Variants in MZT2B observed in about 807,000 individuals in gnomAD.
MZT2B encodes the protein mitotic-spindle organizing protein 2B.
In MZT2B, 11 loss-of-function variants were observed where a neutral mutation model predicts 12.1. The ratio of observed to expected loss-of-function variants is 0.91; its 90% CI spans 0.57 to 1.50. The LOEUF (loss-of-function observed/expected upper bound fraction) is 1.50. Ranked by LOEUF, MZT2B falls within the 40% of genes most tolerant of loss-of-function variation. MZT2B has a pLI of 0.00. For missense variants in MZT2B, 209 were observed against 227.7 expected (o/e 0.92, Z 0.53); for synonymous variants, 85 against 109.5 (o/e 0.78, Z 1.40).
At chr2:130,196,558 A>G in the MZT2B span, among the ~76,000 whole-genome samples, 1 of 152,218 alleles carries the variant, frequency 6.6e-6, no homozygotes, top group Non-Finnish European at 1.5e-5. Context: ...TGTAAACCAT[A>G]CTAGCTAGTA....
chr2:130,183,662 T>TG (rs1361564122), intron 2 of MZT2B: 4 of 1,499,284 alleles, frequency 2.7e-6, no homozygotes, highest in African/African-American at 1.4e-5. Flanking sequence ...GCTGCCTTCA[T>TG]GGGGGGAGTG....
the MZT2B span, among the ~76,000 whole-genome samples, chr2:130,202,773 G>A: frequency 6.6e-6 from 1 of 152,194 alleles, no homozygotes; most frequent in Non-Finnish European, 1.5e-5. Context: ...CATTCTGAAT[G>A]AGGAACGATG....
intron 2 of MZT2B, among the ~76,000 whole-genome samples, chr2:130,187,091 A>G (rs1690093138): frequency 6.6e-6 from 1 of 151,820 alleles, no homozygotes; most frequent in Non-Finnish European, 1.5e-5. Context: ...GGTGAATGCA[A>G]CATCTTATGA....
chr2:130,181,830 C>T (rs1238610301), upstream of MZT2B: 1 of 1,543,342 alleles, frequency 6.5e-7, no homozygotes. Flanking sequence ...TCCGCGTGCG[C>T]GTAAGCAGTA....
chr2:130,190,520 G>A lies in MZT2B; in HGVS notation c.371G>A (p.Arg124His), dbSNP rs572520651. The part of the protein sequence containing the change: ...ALGGALALAE[R>H]SSREGSSQRM... ...GGGGGAGCATTGGCCCTGGCGGAAC[G>A]CAGCAGCCGCGAAGGATCCAGCCAG... The change falls in exon 3 of 3, where the codon CGC (arginine) becomes CAC (histidine). Residue 124 changes from arginine to histidine, a missense_variant. Physicochemically the swap from Arg to His is conservative, Grantham distance 29. Transcript: ENST00000281871. The A allele has an allele frequency of 6.2e-6, 10 of 1,613,732 alleles. No homozygotes were observed. The highest frequency in any genetic ancestry group is 4.0e-5 in the African/African-American group (3 of 75,046).
At chr2:130,202,546 G>C in the MZT2B span, 1 of 1,054,334 alleles carries the variant, frequency 9.5e-7, no homozygotes. Flanking sequence ...CCCACTCATG[G>C]ACTGTCCCTG....
chr2:130,204,708 G>T, the MZT2B span, among the ~76,000 whole-genome samples: 4 of 138,634 alleles, frequency 2.9e-5, no homozygotes, highest in South Asian at 2.3e-4. Flanking sequence ...AAAAAAAGGG[G>T]GGGTGGGGAG....
At chr2:130,198,758 T>C in the MZT2B span, among the ~76,000 whole-genome samples, 13 of 123,174 alleles carry the variant, frequency 1.1e-4, 4 homozygotes, top group African/African-American at 2.6e-4. Flanking sequence ...CCAGGCCTGC[T>C]CCTCTCCCTG....
the MZT2B span, chr2:130,202,552 C>G: frequency 1.0e-6 from 1 of 1,000,738 alleles, no homozygotes; most frequent in Non-Finnish European, 1.3e-6. Flanking sequence ...CATGGACTGT[C>G]CCTGCTGCAA....
upstream of MZT2B, chr2:130,181,844 T>C (rs758259543): frequency 7.1e-6 from 11 of 1,540,678 alleles, no homozygotes; most frequent in South Asian, 1.3e-4. Context: ...AGCAGTATTG[T>C]TGATTAGTGC....
intron 2 of MZT2B, chr2:130,183,069 G>A (rs1470411933): frequency 1.8e-6 from 1 of 542,840 alleles, no homozygotes; most frequent in Non-Finnish European, 3.2e-6. Flanking sequence ...CTACAACGTC[G>A]GGAATCAAGA....
chr2:130,184,849 G>A, intron 2 of MZT2B: 2 of 985,364 alleles, frequency 2.0e-6, no homozygotes, highest in Non-Finnish European at 2.4e-6. Flanking sequence ...CACACTCAGA[G>A]CCCAGTGAGA....
intron 2 of MZT2B, chr2:130,184,907 G>A: frequency 1.0e-6 from 1 of 985,018 alleles, no homozygotes; most frequent in Non-Finnish European, 1.2e-6. Context: ...GCTCACACCT[G>A]TAATCCCAGC....
At chr2:130,204,398 G>A in the MZT2B span, 2 of 418,642 alleles carry the variant, frequency 4.8e-6, no homozygotes, top group Non-Finnish European at 9.0e-6. Flanking sequence ...CTCAGAAAGA[G>A]GATGCTGTTT....
upstream of MZT2B, chr2:130,181,856 C>CG (rs1689680801): frequency 1.3e-6 from 2 of 1,535,212 alleles, no homozygotes; most frequent in African/African-American, 2.8e-5. Context: ...GATTAGTGCC[C>CG]CCCCCTTCCC....
chr2:130,189,929 C>T (rs560806230), intron 2 of MZT2B, among the ~76,000 whole-genome samples: 5 of 152,158 alleles, frequency 3.3e-5, no homozygotes, highest in South Asian at 4.1e-4. Flanking sequence ...GCAGAACACT[C>T]GGGTAGGTAG....
At chr2:130,187,115 T>C (rs1209220801) in intron 2 of MZT2B, among the ~76,000 whole-genome samples, 1 of 150,490 alleles carries the variant, frequency 6.6e-6, no homozygotes, top group Non-Finnish European at 1.5e-5. Flanking sequence ...ACTTATGTAC[T>C]GATTACGTAT....
chr2:130,181,826 T>C, upstream of MZT2B: 2 of 1,543,832 alleles, frequency 1.3e-6, no homozygotes, highest in Admixed American at 2.0e-5. Context: ...GGAATCCGCG[T>C]GCGCGTAAGC....
chr2:130,195,175 G>A, downstream of MZT2B: 1 of 1,614,000 alleles, frequency 6.2e-7, no homozygotes, highest in Non-Finnish European at 8.5e-7. Flanking sequence ...CCTTCCCGGT[G>A]ATCAGCTGCT....
Sources: allele counts gnomAD v4.1 joint callset (sites outside exome capture counted in the v4.1 genomes callset), GRCh38; gene constraint gnomAD v4.1.1; transcripts MANE v1.5; gene names NCBI Gene and HGNC (gene_info 2026-07-23, HGNC 2026-07-21).